THSD7A: variants seen among roughly 807,000 people sequenced by gnomAD.
THSD7A encodes the protein thrombospondin type-1 domain-containing protein 7A.
A neutral mutation model predicts 231.3 loss-of-function variants in THSD7A; 96 were observed. The ratio of observed to expected loss-of-function variants is 0.41; its 90% confidence interval spans 0.35 to 0.49. The LOEUF (loss-of-function observed/expected upper bound fraction) is 0.49, where lower values mean the gene tolerates loss of function less well. Ranked by LOEUF, THSD7A falls within the 20% of genes least tolerant of loss-of-function variation. THSD7A has a pLI of 0.05. For synonymous variants in THSD7A, 940 were observed against 743.3 expected (o/e 1.26, Z -4.30); for missense variants, 2,290 against 2,070.2 (o/e 1.11, Z -2.06).
chr7:11,563,713 T>C (rs1290009870), intron 4 of THSD7A, among the ~76,000 whole-genome samples: 1 of 152,176 alleles, frequency 6.6e-6, no homozygotes, highest in African/African-American at 2.4e-5. Flanking sequence ...CAAGACATTA[T>C]ATAATTTAGG....
At chr7:11,761,425 A>G (rs1348438195) in intron 1 of THSD7A, among the ~76,000 whole-genome samples, 1 of 152,126 alleles carries the variant, frequency 6.6e-6, no homozygotes, top group Non-Finnish European at 1.5e-5. Context: ...TTTATTTCAT[A>G]AAGATGTTTT....
At chr7:11,425,534 A>G (rs1275294619) in intron 15 of THSD7A, among the ~76,000 whole-genome samples, 1 of 152,080 alleles carries the variant, frequency 6.6e-6, no homozygotes. Context: ...TCAGTCCCAC[A>G]TTTGGGGTGG....
chr7:11,503,170 C>A (rs954539870), intron 6 of THSD7A, among the ~76,000 whole-genome samples: 7 of 152,054 alleles, frequency 4.6e-5, no homozygotes, highest in Non-Finnish European at 1.0e-4. Context: ...CATCTACGAC[C>A]ATCTGATCTT....
chr7:11,809,545 C>T (rs1481289531), intron 1 of THSD7A, among the ~76,000 whole-genome samples: 1 of 152,034 alleles, frequency 6.6e-6, no homozygotes, highest in African/African-American at 2.4e-5. Context: ...TTTTCATAGC[C>T]TTATGGTCAC....
At chr7:11,803,387 C>T (rs1184976027) in intron 1 of THSD7A, among the ~76,000 whole-genome samples, 1 of 152,064 alleles carries the variant, frequency 6.6e-6, no homozygotes, top group Non-Finnish European at 1.5e-5. Flanking sequence ...AGTTCTGCTT[C>T]AAAATTTATG....
intron 11 of THSD7A, among the ~76,000 whole-genome samples, chr7:11,457,857 AG>A (rs1785361181): frequency 2.0e-5 from 3 of 152,238 alleles, no homozygotes; most frequent in South Asian, 2.1e-4. Context: ...GTACAAGTCA[AG>A]TCCCAACCCG....
At chr7:11,454,565 CT>C (rs200207068) in intron 11 of THSD7A, among the ~76,000 whole-genome samples, 253 of 142,814 alleles carry the variant, frequency 1.8e-3, no homozygotes, top group South Asian at 3.8e-3. Context: ...GTGGTTATCT[CT>C]TTTTTTTTTT....
At chr7:11,738,787 C>T (rs916839234) in intron 1 of THSD7A, among the ~76,000 whole-genome samples, 3 of 151,946 alleles carry the variant, frequency 2.0e-5, no homozygotes, top group African/African-American at 7.2e-5. Flanking sequence ...CCTCTGGATG[C>T]TAGAAAAGGT....
At chr7:11,692,972 G>A (rs944432199) in intron 1 of THSD7A, among the ~76,000 whole-genome samples, 1 of 151,254 alleles carries the variant, frequency 6.6e-6, no homozygotes, top group African/African-American at 2.4e-5. Context: ...GCAACTAAAG[G>A]GTATCTCATG....
intron 1 of THSD7A, among the ~76,000 whole-genome samples, chr7:11,822,199 C>T (rs567688935): frequency 1.3e-5 from 2 of 152,256 alleles, no homozygotes; most frequent in East Asian, 3.9e-4. Context: ...ATCCTCCTCT[C>T]CCCTCCTAAC....
chr7:11,542,063 T>C (rs1022966078), intron 5 of THSD7A, among the ~76,000 whole-genome samples: 2 of 152,218 alleles, frequency 1.3e-5, no homozygotes, highest in Non-Finnish European at 2.9e-5. Context: ...CTATTATTCT[T>C]AAATCTTCAG....
chr7:11,508,590 C>T (rs1787657867), intron 6 of THSD7A, among the ~76,000 whole-genome samples: 1 of 152,208 alleles, frequency 6.6e-6, no homozygotes, highest in African/African-American at 2.4e-5. Context: ...AACCCCATTT[C>T]TGGGTAATTA....
chr7:11,385,068 G>T, intron 23 of THSD7A: 1 of 146,924 alleles, frequency 6.8e-6, no homozygotes. Context: ...TAGTTTTATT[G>T]TCAATGCAGC....
chr7:11,675,824 G>C (rs751119829), intron 1 of THSD7A, among the ~76,000 whole-genome samples: 1 of 152,160 alleles, frequency 6.6e-6, no homozygotes, highest in Non-Finnish European at 1.5e-5. Flanking sequence ...GGTAAGGGGC[G>C]GCTGTGGGTG....
intron 1 of THSD7A, among the ~76,000 whole-genome samples, chr7:11,705,798 C>G (rs1342845506): frequency 6.6e-6 from 1 of 150,898 alleles, no homozygotes; most frequent in Non-Finnish European, 1.5e-5. Flanking sequence ...TTGCCAAAAT[C>G]TTTCATGTTT....
At chr7:11,445,300 A>C (rs1324156197) in intron 13 of THSD7A, among the ~76,000 whole-genome samples, 1 of 152,074 alleles carries the variant, frequency 6.6e-6, no homozygotes, top group African/African-American at 2.4e-5. Flanking sequence ...CATTATAAAA[A>C]GACAGATGTA....
At position 11,740,563 on chromosome 7, in the gene THSD7A, C is replaced by T. The variant is rs17165145; in HGVS notation, c.190+91194G>A. Reference sequence around the variant, plus strand: ...CTTCTTTTCCCCCTCAGCAGCTGGACACAGGTGTTCCCCTTCCTGGATATA... The same window carrying T: ...CTTCTTTTCCCCCTCAGCAGCTGGATACAGGTGTTCCCCTTCCTGGATATA... On this transcript the variant is annotated intron_variant, in intron 1 of 27. Transcript: ENST00000423059. Among the ~76,000 whole-genome samples the T allele has an allele frequency of 9.3e-4, 141 of 152,044 alleles. 1 individual carries two copies. In the East Asian group the frequency reaches 0.025, roughly 27 times the overall value.
intron 1 of THSD7A, among the ~76,000 whole-genome samples, chr7:11,829,382 A>G (rs576671469): frequency 6.6e-6 from 1 of 152,140 alleles, no homozygotes; most frequent in African/African-American, 2.4e-5. Flanking sequence ...CATTTTATCT[A>G]TTTAATGAGT....
In THSD7A at chr7:11,564,855, C is replaced by T. The variant is rs77843849; in HGVS notation, c.1454-21738G>A. 8.5e-5 allele frequency among the ~76,000 whole-genome samples: 13 copies of T among 152,078 alleles called. No homozygotes were observed. In the East Asian group the frequency reaches 1.2e-3, roughly 14 times the overall value. ...TATGTCAGATAATTTCTCTCACTGA[C>T]CTTGTTTCGTGTAAGATAAGAACAC... On this transcript the variant is annotated intron_variant, in intron 4 of 27. Coordinates refer to ENST00000423059, the MANE Select transcript of THSD7A (RefSeq NM_015204.3).
Sources: allele counts gnomAD v4.1 joint callset (sites outside exome capture counted in the v4.1 genomes callset), GRCh38; gene constraint gnomAD v4.1.1; transcripts MANE v1.5; gene names NCBI Gene and HGNC (gene_info 2026-07-23, HGNC 2026-07-21).